The following CHADL variants were observed in gnomAD, a reference collection of about 807,000 sequenced individuals.
CHADL encodes the protein chondroadherin-like protein.
Under a neutral mutation model 52.1 loss-of-function variants are expected in CHADL, and 48 were observed. That is an observed-to-expected ratio of 0.92 (90% CI 0.73 to 1.17). The LOEUF is 1.17. Ranked by LOEUF, CHADL falls within the 50% of genes most tolerant of loss-of-function variation. The pLI is 0.00. For synonymous variants in CHADL, 498 were observed against 511.2 expected, an observed-to-expected ratio of 0.97 and a Z score of 0.35; for missense variants, 977 against 1,035.1, an observed-to-expected ratio of 0.94 and a Z score of 0.77.
At chr22:41,230,927 A>G (rs1277603398) in intron 5 of CHADL, 2 of 152,092 alleles carry the variant, frequency 1.3e-5, no homozygotes, top group African/African-American at 4.8e-5. Flanking sequence ...ACTGACTCCC[A>G]TTTCCTAAAG....
chr22:41,240,853 C>T, intron 1 of CHADL, 21 bp downstream of exon 1: 1 of 1,551,032 alleles, frequency 6.4e-7, no homozygotes, highest in Middle Eastern at 1.7e-4. Context: ...CCCCCTTGCA[C>T]CATCGGGCCC....
chr22:41,239,326 T>C, intron 2 of CHADL, 117 bp downstream of exon 2: 1 of 874,710 alleles, frequency 1.1e-6, no homozygotes. Flanking sequence ...AGAAGTAATT[T>C]GCCAAGGTCT....
intron 3 of CHADL, among the ~76,000 whole-genome samples, 173 bp downstream of exon 3, chr22:41,237,003 C>T (rs2032754330): frequency 6.6e-6 from 1 of 152,246 alleles, no homozygotes; most frequent in Non-Finnish European, 1.5e-5. Flanking sequence ...GGCCTGGGTT[C>T]TGCCCGGACT....
chr22:41,232,135 A>C (rs976667497), intron 5 of CHADL, among the ~76,000 whole-genome samples: 1 of 151,734 alleles, frequency 6.6e-6, no homozygotes, highest in African/African-American at 2.4e-5. Flanking sequence ...GATCGAGACC[A>C]TCCTGGCTAA....
Position 41,230,421 on chromosome 22 carries a change from C to G in CHADL, c.2263-691G>C. 5.0e-6 allele frequency: 3 copies of G among 604,386 alleles called. No individual in the cohort carries two copies. In the South Asian group the frequency reaches 5.9e-5, roughly 12 times the overall value. 37.4% of individuals were successfully genotyped at this position (604,386 alleles called of 1,614,324 possible). ...AGGACCTGCTGGGGTCTCCTGGGAC[C>G]CGCCTGTTGCTTCTGCCCTCCCCTG... On this transcript the variant is annotated intron_variant, in intron 5 of 5. Transcript: ENST00000216241.
intron 5 of CHADL, among the ~76,000 whole-genome samples, chr22:41,231,471 CTG>C (rs139482): frequency 0.38 from 58,101 of 151,974 alleles, 11,318 homozygotes; most frequent in Middle Eastern, 0.44. Flanking sequence ...TCCCCAAAGA[CTG>C]TGAGTTCCCC....
chr22:41,240,534 G>A (rs1275280413), intron 1 of CHADL, among the ~76,000 whole-genome samples: 1 of 152,260 alleles, frequency 6.6e-6, no homozygotes, highest in African/African-American at 2.4e-5. Flanking sequence ...CAGCCCCTGC[G>A]TTGGAGTTGG....
chr22:41,234,364 CATTATTATT>C (rs71200674), intron 5 of CHADL, among the ~76,000 whole-genome samples: 43 of 139,340 alleles, frequency 3.1e-4, no homozygotes, highest in African/African-American at 6.7e-4. Context: ...GGAGGATGGA[CATTATTATT>C]ATTATTATTA....
Position 41,238,925 on chromosome 22 carries a change from G to A in CHADL, c.187-40C>T. On this transcript the variant is annotated intron_variant, in intron 2 of 5. Transcript: ENST00000216241. This position sits in a 1 kb window ranked among gnomAD's most constrained non-coding sequence, Gnocchi z 4.9. ...GAGAAAGTGGGGCTGAGCCAGGCAG[G>A]GACCCCGCCTTTGCAAGTGCTGCTT... is the stretch of plus-strand genomic sequence containing the variant. 1 of 1,487,838 alleles carries A rather than the reference G, an allele frequency of 6.7e-7. No individual in the cohort carries two copies. The highest frequency in any genetic ancestry group is 9.0e-7 in the Non-Finnish European group (1 of 1,113,528). The allele number at this position is 1,487,838 out of a possible 1,614,324, so 92.2% of individuals were successfully genotyped here.
In CHADL at chr22:41,237,640, G is replaced by A; in HGVS notation, c.1432C>T (p.Leu478=). 1.3e-6 allele frequency: 2 copies of A among 1,549,192 alleles called. No homozygotes were observed. Among genetic ancestry groups the A allele is most frequent in the Non-Finnish European group, 1.7e-6 (2 of 1,146,042 alleles). Residue 478 remains leucine, a synonymous_variant, in exon 3 of 6, where the codon CTG becomes TTG. Transcript: ENST00000216241. ...GCGAGCTGGTTGTCGGAGAGGTACAGGTAGATCAGGCGGCCCAGCCCGGCC... is the reference window on the plus strand; with the variant it reads ...GCGAGCTGGTTGTCGGAGAGGTACAAGTAGATCAGGCGGCCCAGCCCGGCC... ...ALAGLGRLIY[L]YLSDNQLAGL...
In CHADL at chr22:41,230,150, C is replaced by T. The variant is rs954517657; in HGVS notation, c.2263-420G>A. ...CCCTCCCTCTTCAGTCATTGCTGTG[C>T]GTGTGAAGGAAGAGCATCTAGACGT... is the stretch of plus-strand genomic sequence containing the variant. On this transcript the variant is annotated intron_variant, in intron 5 of 5. Transcript: ENST00000216241. The T allele has an allele frequency of 7.2e-6, 9 of 1,241,690 alleles. No homozygotes were observed. The Admixed American group carries it at 9.9e-5, about 14-fold the overall frequency. The allele number at this position is 1,241,690 out of a possible 1,614,324, so 76.9% of individuals were successfully genotyped here.
intron 5 of CHADL, among the ~76,000 whole-genome samples, chr22:41,232,568 A>G (rs1390700519): frequency 6.6e-6 from 1 of 152,112 alleles, no homozygotes. Context: ...TCAAGATAAG[A>G]GCCCTCTGCC....
rs781036398 is a variant in CHADL, at chr22:41,229,675, G to A, written c.*29C>T. 6.2e-7 allele frequency: 1 copy of A among 1,613,000 alleles called. No individual in the cohort carries two copies. The highest frequency in any genetic ancestry group is 8.5e-7 in the Non-Finnish European group (1 of 1,180,000). On this transcript the variant is annotated 3_prime_UTR_variant, in exon 6 of 6. Coordinates refer to ENST00000216241, the MANE Select transcript of CHADL (RefSeq NM_138481.2). ...GGCGAGAGTAAGAGCCACCGGGCTG[G>A]GTCAAGGCAGGACCAGCCTGCTCCG...
At chr22:41,239,307 G>A (rs1163123576) in intron 2 of CHADL, 136 bp downstream of exon 2, 2 of 727,626 alleles carry the variant, frequency 2.7e-6, no homozygotes, top group East Asian at 2.8e-5. Flanking sequence ...TGTAAACTGA[G>A]GCTCAAAGAG....
Position 41,238,532 on chromosome 22 carries a change from C to G in CHADL, c.540G>C (p.Gly180=), listed in dbSNP as rs546605248. Residue 180 remains glycine, a synonymous_variant, in exon 3 of 6, where the codon GGG becomes GGC. Transcript: ENST00000216241. This position sits in a 1 kb window ranked among gnomAD's most constrained non-coding sequence, Gnocchi z 4.9. ...LVYLPAMAFQ[G]LLRVRWLRLS... The stretch of plus-strand genomic sequence containing the variant: ...GCCGCAGCCAGCGGACGCGCAGTAG[C>G]CCCTGGAAGGCCATGGCGGGCAGGT... The G allele has an allele frequency of 8.5e-5, 132 of 1,545,006 alleles. No individual in the cohort carries two copies. The South Asian group carries it at 1.5e-3, about 18-fold the overall frequency.
chr22:41,239,600 A>T lies in CHADL; in HGVS notation c.29T>A (p.Val10Asp), dbSNP rs1247767856. The T allele has an allele frequency of 1.3e-6, 2 of 1,538,578 alleles. No homozygotes were observed. The highest frequency in any genetic ancestry group is 1.8e-6 in the Non-Finnish European group (2 of 1,140,582). ...TACAAGAAGCGGCAGCACCAAGGGG[A>T]CATGGGTGGAGCTCCGGGGCCTGGG... MEGPRSSTH[V>D]PLVLPLLVLL... is the part of the protein sequence containing the mutation. The change falls in exon 2 of 6, where the codon GTC (valine) becomes GAC (aspartate). Residue 10 changes from valine (V) to aspartate (D), a missense_variant. Coordinates refer to ENST00000216241, the MANE Select transcript of CHADL (RefSeq NM_138481.2).
At chr22:41,231,805 C>G (rs1476560087) in intron 5 of CHADL, among the ~76,000 whole-genome samples, 2 of 152,124 alleles carry the variant, frequency 1.3e-5, no homozygotes, top group Non-Finnish European at 2.9e-5. Context: ...CAGGTGAGAC[C>G]AAATCCAGAC....
intron 5 of CHADL, chr22:41,230,967 A>G (rs2032558730): frequency 6.6e-6 from 1 of 152,164 alleles, no homozygotes; most frequent in Admixed American, 6.5e-5. Context: ...CATTGGGAGG[A>G]AGATGGCCTG....
Position 41,238,756 on chromosome 22 carries a change from A to G in CHADL, c.316T>C (p.Phe106Leu). The change falls in exon 3 of 6, where the codon TTC (phenylalanine) becomes CTC (leucine). Residue 106 changes from phenylalanine (F) to leucine (L), a missense_variant. Coordinates refer to ENST00000216241, the MANE Select transcript of CHADL (RefSeq NM_138481.2). This position sits in a 1 kb window ranked among gnomAD's most constrained non-coding sequence, Gnocchi z 4.9. ...CEVELVAEGA[F>L]RGLGRLLLLN... Reference sequence around the variant, plus strand: ...AGGAGCAGGCGGCCCAGGCCACGGAAGGCGCCCTCGGCCACCAGCTCCACC... The same window carrying G: ...AGGAGCAGGCGGCCCAGGCCACGGAGGGCGCCCTCGGCCACCAGCTCCACC... 1 of 1,549,176 alleles carries G rather than the reference A, an allele frequency of 6.5e-7. No individual in the cohort carries two copies. The highest frequency in any genetic ancestry group is 8.7e-7 in the Non-Finnish European group (1 of 1,146,756).
Sources: gnomAD v4.1 joint callset for allele counts (sites outside exome capture counted in the v4.1 genomes callset) on GRCh38, gnomAD v4.1.1 for gene constraint, Gnocchi (gnomAD v3.1) non-coding constraint, MANE v1.5 for transcripts, NCBI Gene and HGNC (gene_info 2026-07-23, HGNC 2026-07-21) for gene names.